ZBTB46: variants seen among roughly 807,000 people sequenced by gnomAD.
ZBTB46 encodes zinc finger and BTB domain-containing protein 46.
In ZBTB46, 8 loss-of-function variants were observed where a neutral mutation model predicts 44.1. That is an observed-to-expected ratio of 0.18 (90% CI 0.11 to 0.33). The LOEUF (loss-of-function observed/expected upper bound fraction) is 0.33, where lower values mean the gene tolerates loss of function less well. Among genes scored for constraint, ZBTB46 ranks in the 10% least tolerant of loss-of-function variants. The pLI, the probability that ZBTB46 is intolerant of heterozygous loss-of-function variation, is 1.00. For synonymous variants in ZBTB46, 409 were observed against 382.3 expected (o/e 1.07, Z -0.81); for missense variants, 651 against 847.7 (o/e 0.77, Z 2.88).
chr20:63,781,168 G>C (rs375214171), intron 2 of ZBTB46, among the ~76,000 whole-genome samples: 9 of 139,210 alleles, frequency 6.5e-5, no homozygotes, highest in African/African-American at 2.4e-4. Flanking sequence ...AAAAAAGAAA[G>C]AAAAAAGGAG....
intron 3 of ZBTB46, chr20:63,775,397 G>T (rs1246925796): frequency 1.1e-5 from 4 of 366,086 alleles, no homozygotes; most frequent in Non-Finnish European, 2.0e-5. Context: ...TTCAGCCAAC[G>T]ACTCCTGTGA....
intron 1 of ZBTB46, among the ~76,000 whole-genome samples, chr20:63,798,531 C>T (rs1053831808): frequency 2.0e-4 from 30 of 151,706 alleles, no homozygotes; most frequent in African/African-American, 5.8e-4. Flanking sequence ...AAAAATTAGC[C>T]GGGCATGGTG....
intron 1 of ZBTB46, among the ~76,000 whole-genome samples, chr20:63,810,467 C>T (rs2092711304): frequency 6.6e-6 from 1 of 152,164 alleles, no homozygotes; most frequent in Admixed American, 6.6e-5. Flanking sequence ...AAACCAAGGT[C>T]CTTATTCATA....
intron 3 of ZBTB46, among the ~76,000 whole-genome samples, chr20:63,764,563 G>C (rs554394579): frequency 6.6e-6 from 1 of 152,080 alleles, no homozygotes; most frequent in East Asian, 1.9e-4. Context: ...GGGAAAGTCA[G>C]CCATCACTGT....
At chr20:63,826,165 T>C (rs890276012) in intron 1 of ZBTB46, among the ~76,000 whole-genome samples, 1 of 152,268 alleles carries the variant, frequency 6.6e-6, no homozygotes, top group African/African-American at 2.4e-5. Flanking sequence ...TTCAGAGTGG[T>C]TGGAAGAGAT....
At chr20:63,802,738 G>A (rs1304848812) in intron 1 of ZBTB46, among the ~76,000 whole-genome samples, 1 of 147,876 alleles carries the variant, frequency 6.8e-6, no homozygotes, top group East Asian at 2.0e-4. Context: ...AGGAACCGCG[G>A]TGGGCCGACA....
In ZBTB46 at chr20:63,787,685, G is replaced by A. The variant is rs967639793; in HGVS notation, c.937+2136C>T. ...GAGCAACAGAATCGCCTAGCGATGCGTTTCTTGGAACCTATCCCTGTCATC... is the reference window on the plus strand; with the variant it reads ...GAGCAACAGAATCGCCTAGCGATGCATTTCTTGGAACCTATCCCTGTCATC... On this transcript the variant is annotated intron_variant, in intron 2 of 4. Coordinates refer to ENST00000245663, the MANE Select transcript of ZBTB46 (RefSeq NM_001369741.1). The surrounding 1 kb of genome is among the most constrained non-coding windows in gnomAD (Gnocchi z 4.6). The A allele has an allele frequency of 1.3e-5, 2 of 152,230 alleles. No individual in the cohort carries two copies. The highest frequency in any genetic ancestry group is 4.8e-5 in the African/African-American group (2 of 41,460). 9.4% of individuals were successfully genotyped at this position (152,230 alleles called of 1,614,324 possible). A position where few individuals can be genotyped will look rare whatever the true frequency, so the allele number is the denominator to read the frequency against.
chr20:63,784,134 C>T (rs767625748), intron 2 of ZBTB46, among the ~76,000 whole-genome samples: 8 of 152,210 alleles, frequency 5.3e-5, no homozygotes, highest in Admixed American at 1.3e-4. Flanking sequence ...GACACAGCCA[C>T]GGCCCCCTCC....
intron 2 of ZBTB46, among the ~76,000 whole-genome samples, chr20:63,778,411 T>G (rs2145876665): frequency 6.6e-6 from 1 of 152,182 alleles, no homozygotes; most frequent in East Asian, 1.9e-4. Context: ...AGAATGGATT[T>G]TCCACCGTGG....
intron 3 of ZBTB46, among the ~76,000 whole-genome samples, chr20:63,756,068 C>T (rs1216291131): frequency 4.6e-5 from 7 of 152,196 alleles, no homozygotes; most frequent in African/African-American, 7.2e-5. Context: ...TCATTCGTGC[C>T]GGACTGGAGG....
chr20:63,789,766 G>A lies in ZBTB46; in HGVS notation c.937+55C>T, dbSNP rs1298176440. 2.6e-5 allele frequency: 41 copies of A among 1,553,384 alleles called. No homozygotes were observed. The Middle Eastern group carries it at 5.2e-4, about 20-fold the overall frequency. On this transcript the variant is annotated intron_variant, in intron 2 of 4. Coordinates refer to ENST00000245663, the MANE Select transcript of ZBTB46 (RefSeq NM_001369741.1). ...CACTGCCTCCGCACAGCACGCGGCCGTGAGGCCTGGACACACTGGGGCAGC... is the reference window on the plus strand; with the variant it reads ...CACTGCCTCCGCACAGCACGCGGCCATGAGGCCTGGACACACTGGGGCAGC...
At position 63,752,806 on chromosome 20, in the gene ZBTB46, C is replaced by T. The variant is rs1386671641; in HGVS notation, c.1278G>A (p.Ser426=). 5.0e-6 allele frequency: 8 copies of T among 1,612,978 alleles called. No individual in the cohort carries two copies. The highest frequency in any genetic ancestry group is 6.8e-6 in the Non-Finnish European group (8 of 1,179,402). ...KKFKCPYCSF[S]AMHQCILKRH... Reference sequence around the variant, plus strand: ...GCTTGAGGATGCACTGGTGCATGGCCGAGAAGCTGCAGTACGGACACTTGA... The same window carrying T: ...GCTTGAGGATGCACTGGTGCATGGCTGAGAAGCTGCAGTACGGACACTTGA... Residue 426 remains serine, a synonymous_variant, in exon 4 of 5, where the codon TCG becomes TCA. Coordinates refer to ENST00000245663, the MANE Select transcript of ZBTB46 (RefSeq NM_001369741.1). This position sits in a 1 kb window ranked among gnomAD's most constrained non-coding sequence, Gnocchi z 5.6.
intron 3 of ZBTB46, among the ~76,000 whole-genome samples, chr20:63,759,422 G>A (rs562066219): frequency 5.9e-5 from 9 of 151,900 alleles, no homozygotes; most frequent in African/African-American, 1.9e-4. Flanking sequence ...ACAGGGTCTT[G>A]CCATGTTGCC....
intron 1 of ZBTB46, among the ~76,000 whole-genome samples, chr20:63,793,344 G>A (rs2092576176): frequency 1.3e-5 from 2 of 152,202 alleles, no homozygotes; most frequent in Admixed American, 1.3e-4. Context: ...AGAGCCCCAG[G>A]AGGGCAGGGC....
intron 1 of ZBTB46, among the ~76,000 whole-genome samples, chr20:63,811,690 A>T (rs529659572): frequency 6.6e-6 from 1 of 152,318 alleles, no homozygotes; most frequent in South Asian, 2.1e-4. Context: ...CCTTGCAGCC[A>T]GGTGAGCTCT....
intron 3 of ZBTB46, among the ~76,000 whole-genome samples, chr20:63,761,955 C>T (rs2092281579): frequency 6.6e-6 from 1 of 152,080 alleles, no homozygotes; most frequent in South Asian, 2.1e-4. Context: ...GATTTCAATC[C>T]TTTGATATTT....
chr20:63,754,744 C>T (rs1439925050), intron 3 of ZBTB46, among the ~76,000 whole-genome samples: 5 of 152,022 alleles, frequency 3.3e-5, no homozygotes, highest in African/African-American at 9.7e-5. Flanking sequence ...GGACTACAGG[C>T]GCCCGCCACC....
At chr20:63,755,638 T>C (rs1484675291) in intron 3 of ZBTB46, among the ~76,000 whole-genome samples, 1 of 152,178 alleles carries the variant, frequency 6.6e-6, no homozygotes, top group Non-Finnish European at 1.5e-5. Context: ...ACCCACGACA[T>C]TTGACTGACA....
intron 1 of ZBTB46, among the ~76,000 whole-genome samples, chr20:63,820,792 G>A (rs541231862): frequency 1.6e-3 from 238 of 150,976 alleles, no homozygotes; most frequent in African/African-American, 5.6e-3. Flanking sequence ...GCCACAGCAC[G>A]ATCTCGGCTC....
Sources: allele counts gnomAD v4.1 joint callset (sites outside exome capture counted in the v4.1 genomes callset), GRCh38; gene constraint gnomAD v4.1.1; non-coding constraint Gnocchi (gnomAD v3.1); transcripts MANE v1.5; gene names NCBI Gene and HGNC (gene_info 2026-07-23, HGNC 2026-07-21).